Variants in TSPEAR observed in about 807,000 individuals in gnomAD.
TSPEAR encodes thrombospondin-type laminin G domain and EAR repeat-containing protein.
Under a neutral mutation model 71.6 loss-of-function variants are expected in TSPEAR, and 69 were observed. The observed-to-expected ratio is 0.96, with a 90% CI of 0.79 to 1.18. The LOEUF (loss-of-function observed/expected upper bound fraction) is 1.18, where lower values mean the gene tolerates loss of function less well. Among genes scored for constraint, TSPEAR ranks in the 50% most tolerant of loss-of-function variants. The probability of loss-of-function intolerance (pLI) is 0.00; values close to 1 mark genes in which losing one functional copy is unlikely to be tolerated. For synonymous variants in TSPEAR, 402 were observed against 387.2 expected (o/e 1.04, Z -0.45); for missense variants, 971 against 894.9 (o/e 1.09, Z -1.09).
chr21:44,658,983 A>G (rs1555943159), intron 1 of TSPEAR, among the ~76,000 whole-genome samples: 1 of 152,166 alleles, frequency 6.6e-6, no homozygotes, highest in Non-Finnish European at 1.5e-5. Context: ...TCTTTCAAAC[A>G]ACACCCACCA....
At chr21:44,627,972 T>C (rs1236737315) in intron 1 of TSPEAR, 29 of 1,529,140 alleles carry the variant, frequency 1.9e-5, no homozygotes, top group Non-Finnish European at 2.4e-5. Flanking sequence ...AGGCCTCCTG[T>C]GTGTCCCTTC....
At chr21:44,517,644 T>TA in intron 9 of TSPEAR, 1 of 406,960 alleles carries the variant, frequency 2.5e-6, no homozygotes, top group Admixed American at 2.7e-5. Flanking sequence ...TCTGACTTGA[T>TA]ATGAGAACTA....
In TSPEAR at chr21:44,665,294, G is replaced by A. The variant is rs145256076; in HGVS notation, c.82+46139C>T. Among the ~76,000 whole-genome samples the A allele has an allele frequency of 1.2e-3, 185 of 152,320 alleles. 1 individual carries two copies. The highest frequency in any genetic ancestry group is 4.3e-3 in the African/African-American group (180 of 41,564). On this transcript the variant is annotated intron_variant, in intron 1 of 11. Transcript: ENST00000323084. Reference sequence around the variant, plus strand: ...ATCGAAGGCAGCCAGTAGTGAGAACGTTCTTCAGGGGACAGTTCTGGGCTA... The same window carrying A: ...ATCGAAGGCAGCCAGTAGTGAGAACATTCTTCAGGGGACAGTTCTGGGCTA...
At chr21:44,631,546 T>C (rs1360081178) in intron 1 of TSPEAR, among the ~76,000 whole-genome samples, 1 of 152,092 alleles carries the variant, frequency 6.6e-6, no homozygotes, top group Non-Finnish European at 1.5e-5. Flanking sequence ...AGTGAAACCC[T>C]GTCTCTACTA....
At chr21:44,501,776 A>T (rs1264243732) in intron 11 of TSPEAR, among the ~76,000 whole-genome samples, 1 of 152,068 alleles carries the variant, frequency 6.6e-6, no homozygotes, top group African/African-American at 2.4e-5. Context: ...CCCAAAAAAT[A>T]AATAAGAAGG....
At chr21:44,515,144 TCAAAC>T (rs782324637) in intron 9 of TSPEAR, among the ~76,000 whole-genome samples, 9 of 152,150 alleles carry the variant, frequency 5.9e-5, no homozygotes, top group Non-Finnish European at 1.2e-4. Flanking sequence ...ATTGCAAAAC[TCAAAC>T]CAAACAGTAA....
At chr21:44,518,446 A>C (rs587663715) in intron 9 of TSPEAR, 3 of 385,504 alleles carry the variant, frequency 7.8e-6, no homozygotes, top group Admixed American at 3.5e-5. Context: ...GTGTTGGTAG[A>C]TCTAGGATGA....
At position 44,687,005 on chromosome 21, in the gene TSPEAR, G is replaced by A. The variant is rs1218484051; in HGVS notation, c.82+24428C>T. The stretch of plus-strand genomic sequence containing the variant: ...GAAAAGCTGTGGCTGAAGCTGCTGA[G>A]TCCAAAGGGGGTGTCTCCTTCCCAG... On this transcript the variant is annotated intron_variant, in intron 1 of 11. Coordinates refer to ENST00000323084, the MANE Select transcript of TSPEAR (RefSeq NM_144991.3). This position sits in a 1 kb window ranked among gnomAD's most constrained non-coding sequence, Gnocchi z 4.4. Among the ~76,000 whole-genome samples, 2 of 152,152 alleles carry A rather than the reference G, an allele frequency of 1.3e-5. No homozygotes were observed. The highest frequency in any genetic ancestry group is 2.4e-5 in the African/African-American group (1 of 41,422).
chr21:44,657,097 G>A (rs1484798746), intron 1 of TSPEAR, among the ~76,000 whole-genome samples: 7 of 151,882 alleles, frequency 4.6e-5, no homozygotes, highest in Non-Finnish European at 7.4e-5. Context: ...CTCTCTCCAT[G>A]GCCACATTGT....
chr21:44,558,082 C>T (rs147242429), intron 2 of TSPEAR: 29 of 1,611,576 alleles, frequency 1.8e-5, no homozygotes, highest in Middle Eastern at 1.7e-4. Context: ...GAGGAGAGGC[C>T]GCAGCACGCG....
intron 1 of TSPEAR, among the ~76,000 whole-genome samples, chr21:44,570,584 A>C (rs1232697807): frequency 6.6e-6 from 1 of 152,198 alleles, no homozygotes; most frequent in Non-Finnish European, 1.5e-5. Context: ...AGAAGGAGGG[A>C]ACCGGGCGCT....
intron 1 of TSPEAR, among the ~76,000 whole-genome samples, chr21:44,673,472 A>G (rs1413635083): frequency 2.0e-5 from 3 of 152,214 alleles, no homozygotes; most frequent in Non-Finnish European, 2.9e-5. Flanking sequence ...ATATTATTAG[A>G]TCTAAAGGAA....
At chr21:44,545,650 C>CA (rs1232835399) in intron 2 of TSPEAR, among the ~76,000 whole-genome samples, 1 of 152,068 alleles carries the variant, frequency 6.6e-6, no homozygotes, top group Non-Finnish European at 1.5e-5. Flanking sequence ...TACACACTCT[C>CA]AAACAACCAA....
rs587774115 is a variant in TSPEAR, at chr21:44,641,877, C to T, written c.82+69556G>A. The stretch of plus-strand genomic sequence containing the variant: ...AGGCTGTTCTTAAACAACAGGGATC[C>T]GGAAAATTTACCACCCACAATGCTT... On this transcript the variant is annotated intron_variant, in intron 1 of 11. Coordinates refer to ENST00000323084, the MANE Select transcript of TSPEAR (RefSeq NM_144991.3). Among the ~76,000 whole-genome samples the T allele has an allele frequency of 4.6e-5, 7 of 152,248 alleles. No homozygotes were observed. In the South Asian group the frequency reaches 1.2e-3, roughly 27 times the overall value.
chr21:44,570,934 C>T (rs938179395), intron 1 of TSPEAR, among the ~76,000 whole-genome samples: 3 of 152,084 alleles, frequency 2.0e-5, no homozygotes, highest in African/African-American at 2.4e-5. Context: ...AATACCAGAA[C>T]TTATTAAAGA....
intron 1 of TSPEAR, among the ~76,000 whole-genome samples, chr21:44,692,884 G>A (rs1987178659): frequency 6.6e-6 from 1 of 151,796 alleles, no homozygotes; most frequent in Non-Finnish European, 1.5e-5. Context: ...TGGATTATAG[G>A]AACTCAGAAT....
chr21:44,697,776 C>A (rs1190156649), intron 1 of TSPEAR: 1 of 1,613,932 alleles, frequency 6.2e-7, no homozygotes, highest in Admixed American at 1.7e-5. Flanking sequence ...TGCAGACCCT[C>A]CTCCTCCGTG....
rs782493219 is a variant in TSPEAR at position 44,627,586 on chromosome 21, G to T, written c.83-59581C>A. On this transcript the variant is annotated intron_variant, in intron 1 of 11. Transcript: ENST00000323084. ...CTGTGCCTCTTCCTCCTGCCAGCCG[G>T]CCTGCTGTGTGCCCGTCTGCTGCAA... 3 of 1,612,264 alleles carry T rather than the reference G, an allele frequency of 1.9e-6. No individual in the cohort carries two copies. Among genetic ancestry groups the T allele is most frequent in the Non-Finnish European group, 8.5e-7 (1 of 1,179,558 alleles).
In TSPEAR at chr21:44,657,798, C is replaced by T. The variant is rs587691433; in HGVS notation, c.82+53635G>A. ...CGAAGCTATTTATGGTGGAGCATGACGCGGGAAAGTACACGCGGGAAAATA... is the reference window on the plus strand; with the variant it reads ...CGAAGCTATTTATGGTGGAGCATGATGCGGGAAAGTACACGCGGGAAAATA... On this transcript the variant is annotated intron_variant, in intron 1 of 11. Transcript: ENST00000323084. The T allele has an allele frequency of 1.0e-4, 64 of 622,920 alleles. 1 individual carries two copies. Among genetic ancestry groups the T allele is most frequent in the South Asian group, 6.1e-4 (32 of 52,290 alleles). The allele number at this position is 622,920 out of a possible 1,614,324, so 38.6% of individuals were successfully genotyped here.
Sources: allele counts gnomAD v4.1 joint callset (sites outside exome capture counted in the v4.1 genomes callset), GRCh38; gene constraint gnomAD v4.1.1; non-coding constraint Gnocchi (gnomAD v3.1); transcripts MANE v1.5; gene names NCBI Gene and HGNC (gene_info 2026-07-23, HGNC 2026-07-21).